Variants in HGD observed in about 807,000 individuals in gnomAD.
HGD encodes homogentisate oxidase.
Under a neutral mutation model 60.8 loss-of-function variants are expected in HGD, and 61 were observed. The observed-to-expected ratio is 1.00, with a 90% CI of 0.82 to 1.24. The LOEUF is 1.24. Ranked by LOEUF, HGD falls within the 50% of genes most tolerant of loss-of-function variation. The pLI is 0.00. For synonymous variants in HGD, 212 were observed against 187.7 expected, an observed-to-expected ratio of 1.13 and a Z score of -1.06; for missense variants, 542 against 547.1, an observed-to-expected ratio of 0.99 and a Z score of 0.09.
intron 12 of HGD, among the ~76,000 whole-genome samples, chr3:120,636,578 G>A (rs1468525209): frequency 6.6e-6 from 1 of 152,206 alleles, no homozygotes; most frequent in Admixed American, 6.5e-5. Flanking sequence ...GGTCCTCTAG[G>A]TCACTAACTT....
At chr3:120,634,598 C>A (rs536257104) in intron 12 of HGD, among the ~76,000 whole-genome samples, 28 of 152,220 alleles carry the variant, frequency 1.8e-4, no homozygotes, top group African/African-American at 6.7e-4. Context: ...ACAACAACAA[C>A]AACAACATAG....
At chr3:120,658,235 G>A (rs1308316125) in intron 4 of HGD, among the ~76,000 whole-genome samples, 1 of 152,158 alleles carries the variant, frequency 6.6e-6, no homozygotes. Context: ...CTATGAGCCT[G>A]TAAAATATAA....
intron 1 of HGD, among the ~76,000 whole-genome samples, chr3:120,676,593 G>C (rs1179887884): frequency 6.6e-6 from 1 of 152,202 alleles, no homozygotes; most frequent in Non-Finnish European, 1.5e-5. Context: ...GACTATGGCA[G>C]TCTTGGCTCA....
chr3:120,674,209 C>T (rs1708079808), intron 3 of HGD, among the ~76,000 whole-genome samples: 2 of 152,170 alleles, frequency 1.3e-5, no homozygotes, highest in South Asian at 2.1e-4. Flanking sequence ...TAATTAGACA[C>T]TATTTGTTTA....
chr3:120,670,385 C>A (rs1205414121), intron 4 of HGD, 42 bp downstream of exon 4: 2 of 959,272 alleles, frequency 2.1e-6, no homozygotes, highest in East Asian at 2.4e-5. Context: ...CTAGTCAAGG[C>A]TTTGGGTATA....
At chr3:120,641,928 T>C (rs546182636) in intron 10 of HGD, 1 of 538,690 alleles carries the variant, frequency 1.9e-6, no homozygotes, top group Non-Finnish European at 3.4e-6. Context: ...TGCCTTCTGA[T>C]CACACATGCA....
rs560530758 is a variant in HGD, at chr3:120,656,247, A to T, written c.283-3596T>A. On this transcript the variant is annotated intron_variant, in intron 4 of 13. Transcript: ENST00000283871. ...GACTCTCAGTTTTCAGAACTGTAAGAAGATACATTTCTGTTGTTTAAACTA... is the reference window on the plus strand; with the variant it reads ...GACTCTCAGTTTTCAGAACTGTAAGTAGATACATTTCTGTTGTTTAAACTA... Among the ~76,000 whole-genome samples, 138 of 152,314 alleles carry T rather than the reference A, an allele frequency of 9.1e-4. 1 individual carries two copies. The South Asian group carries it at 0.027, about 30-fold the overall frequency.
intron 4 of HGD, among the ~76,000 whole-genome samples, chr3:120,659,613 T>C (rs1258084441): frequency 1.3e-5 from 2 of 152,198 alleles, no homozygotes; most frequent in African/African-American, 4.8e-5. Flanking sequence ...AACCCTCATC[T>C]TCCTGTCTTC....
chr3:120,673,805 TGCTAA>T (rs1708072303), intron 3 of HGD, among the ~76,000 whole-genome samples: 1 of 152,224 alleles, frequency 6.6e-6, no homozygotes, highest in South Asian at 2.1e-4. Flanking sequence ...TGTGCCAATG[TGCTAA>T]GCTAAGCTAA....
intron 4 of HGD, among the ~76,000 whole-genome samples, chr3:120,653,659 A>T (rs1031681061): frequency 6.6e-6 from 1 of 152,242 alleles, no homozygotes; most frequent in Non-Finnish European, 1.5e-5. Flanking sequence ...AAAGATACTT[A>T]AAAAGGATGT....
chr3:120,667,316 A>G (rs1156927315), intron 4 of HGD, among the ~76,000 whole-genome samples: 2 of 121,016 alleles, frequency 1.7e-5, no homozygotes, highest in Non-Finnish European at 3.3e-5. Flanking sequence ...ACAGGGTGAG[A>G]CTCTTGTCTC....
At chr3:120,632,934 C>T (rs1940634096) in intron 13 of HGD, among the ~76,000 whole-genome samples, 1 of 152,128 alleles carries the variant, frequency 6.6e-6, no homozygotes, top group African/African-American at 2.4e-5. Flanking sequence ...AGGTCTGACT[C>T]CAAGTCCAAC....
At chr3:120,653,338 C>A (rs536177709) in intron 4 of HGD, among the ~76,000 whole-genome samples, 1 of 152,176 alleles carries the variant, frequency 6.6e-6, no homozygotes, top group African/African-American at 2.4e-5. Context: ...GTCAGCCCAG[C>A]GCTTATTAAT....
At chr3:120,653,582 CCT>C (rs1941406658) in intron 4 of HGD, among the ~76,000 whole-genome samples, 1 of 152,162 alleles carries the variant, frequency 6.6e-6, no homozygotes, top group African/African-American at 2.4e-5. Flanking sequence ...GATTATTCTG[CCT>C]CTCTGACACA....
chr3:120,628,584 CA>C, intron 13 of HGD, 55 bp from the exon 14 acceptor site: 2 of 1,577,046 alleles, frequency 1.3e-6, no homozygotes, highest in Admixed American at 1.7e-5. Context: ...ATAATAAACA[CA>C]TTTGATTAGA....
rs140067258 is a variant in HGD, at chr3:120,652,818, G to C, written c.283-167C>G. The stretch of plus-strand genomic sequence containing the variant: ...ATGATTATCCATCATTTCCTTAAAG[G>C]GACTCTGTTAGTGTGTGTTATTTGT... On this transcript the variant is annotated intron_variant, in intron 4 of 13. Transcript: ENST00000283871. Among the ~76,000 whole-genome samples, 15 of 152,150 alleles carry C rather than the reference G, an allele frequency of 9.9e-5. No homozygotes were observed. In the East Asian group the frequency reaches 1.5e-3, roughly 16 times the overall value.
chr3:120,643,445 G>A (rs1210228277), intron 10 of HGD, among the ~76,000 whole-genome samples: 1 of 152,166 alleles, frequency 6.6e-6, no homozygotes, highest in Non-Finnish European at 1.5e-5. Context: ...TTTTAAACAA[G>A]CCTCCTTGAG....
chr3:120,663,588 G>T (rs1707828705), intron 4 of HGD, among the ~76,000 whole-genome samples: 1 of 152,128 alleles, frequency 6.6e-6, no homozygotes, highest in East Asian at 1.9e-4. Flanking sequence ...GGACCTTGAA[G>T]AATACTTATT....
intron 13 of HGD, among the ~76,000 whole-genome samples, chr3:120,631,117 T>C (rs1389514074): frequency 6.6e-6 from 1 of 151,734 alleles, no homozygotes; most frequent in Non-Finnish European, 1.5e-5. Flanking sequence ...TCAGAAAAAA[T>C]AACTATTGGG....
Sources: allele counts gnomAD v4.1 joint callset (sites outside exome capture counted in the v4.1 genomes callset), GRCh38; gene constraint gnomAD v4.1.1; transcripts MANE v1.5; gene names NCBI Gene and HGNC (gene_info 2026-07-23, HGNC 2026-07-21).